PTPN4: variants seen among roughly 807,000 people sequenced by gnomAD.
PTPN4 encodes the protein protein tyrosine phosphatase non-receptor type 4.
PTPN4 carries 49 observed loss-of-function variants against 135.5 expected under a neutral mutation model. The observed-to-expected ratio is 0.36, with a 90% CI of 0.29 to 0.46. The LOEUF (loss-of-function observed/expected upper bound fraction) is 0.46. Ranked by LOEUF, PTPN4 falls within the 20% of genes least tolerant of loss-of-function variation. PTPN4 has a pLI of 1.00. For synonymous variants in PTPN4, 333 were observed against 369.9 expected, an observed-to-expected ratio of 0.90 and a Z score of 1.14; for missense variants, 860 against 1,101.0, an observed-to-expected ratio of 0.78 and a Z score of 3.10.
chr2:119,930,196 A>G (rs909826177), intron 13 of PTPN4, among the ~76,000 whole-genome samples: 1 of 152,142 alleles, frequency 6.6e-6, no homozygotes, highest in East Asian at 1.9e-4. Context: ...TCACACCTAA[A>G]TTACTTTGAA....
intron 1 of PTPN4, among the ~76,000 whole-genome samples, chr2:119,783,375 C>T (rs890001364): frequency 2.0e-5 from 3 of 152,174 alleles, no homozygotes; most frequent in African/African-American, 7.2e-5. Flanking sequence ...TAACAAAGGT[C>T]TCAGTATATG....
At chr2:119,807,362 C>T (rs1388602596) in intron 1 of PTPN4, among the ~76,000 whole-genome samples, 3 of 152,020 alleles carry the variant, frequency 2.0e-5, no homozygotes, top group African/African-American at 2.4e-5. Flanking sequence ...AGGGAAGAAT[C>T]GAATAGACGC....
rs181446755 is a variant in PTPN4 at position 119,822,030 on chromosome 2, C to G, written c.138+12039C>G. Reference sequence around the variant, plus strand: ...GTAGATTGTGCATGAAATCCACCAGCTTGCAATATGACACTCTTTTGCTTT... The same window carrying G: ...GTAGATTGTGCATGAAATCCACCAGGTTGCAATATGACACTCTTTTGCTTT... On this transcript the variant is annotated intron_variant, in intron 2 of 26. Transcript: ENST00000263708. Among the ~76,000 whole-genome samples the G allele has an allele frequency of 3.9e-5, 6 of 152,096 alleles. 1 individual carries two copies. The East Asian group carries it at 7.7e-4, about 20-fold the overall frequency.
chr2:119,823,273 C>T (rs934603511), intron 2 of PTPN4, among the ~76,000 whole-genome samples: 4 of 148,314 alleles, frequency 2.7e-5, no homozygotes, highest in East Asian at 3.9e-4. Flanking sequence ...CTCGCTCTGT[C>T]GCCCAGGCTA....
At chr2:119,937,231 A>G (rs1222491782) in intron 15 of PTPN4, among the ~76,000 whole-genome samples, 4 of 152,230 alleles carry the variant, frequency 2.6e-5, no homozygotes, top group African/African-American at 9.6e-5. Flanking sequence ...CTTGGAATCC[A>G]TAGATTTCAG....
At chr2:119,821,451 G>A (rs181913081) in intron 2 of PTPN4, among the ~76,000 whole-genome samples, 99 of 152,034 alleles carry the variant, frequency 6.5e-4, no homozygotes, top group Non-Finnish European at 1.1e-3. Flanking sequence ...TGTACTATGT[G>A]AGGAATTAGT....
chr2:119,810,881 C>T (rs1691562513), intron 2 of PTPN4, among the ~76,000 whole-genome samples: 1 of 152,046 alleles, frequency 6.6e-6, no homozygotes, highest in South Asian at 2.1e-4. Context: ...CCGAGAATCT[C>T]ATAATTACCA....
At chr2:119,905,515 A>T (rs545269530) in intron 10 of PTPN4, among the ~76,000 whole-genome samples, 8 of 152,342 alleles carry the variant, frequency 5.3e-5, no homozygotes, top group African/African-American at 1.9e-4. Context: ...ACTCCAATAC[A>T]ATAGTAGTTG....
chr2:119,983,989 T>C lies in PTPN4; in HGVS notation c.*6919T>C, dbSNP rs887801367. Among the ~76,000 whole-genome samples the C allele has an allele frequency of 6.6e-5, 10 of 152,200 alleles. No homozygotes were observed. Among genetic ancestry groups the C allele is most frequent in the African/African-American group, 2.2e-4 (9 of 41,456 alleles). ...TAAGGGAATAAAAGTCCCGACACTTTATATACATGTTGAGGGGCACGATTT... is the reference window on the plus strand; with the variant it reads ...TAAGGGAATAAAAGTCCCGACACTTCATATACATGTTGAGGGGCACGATTT... On this transcript the variant is annotated 3_prime_UTR_variant, in exon 27 of 27. Coordinates refer to ENST00000263708, the MANE Select transcript of PTPN4 (RefSeq NM_002830.4).
intron 2 of PTPN4, among the ~76,000 whole-genome samples, chr2:119,858,138 T>C (rs1486698419): frequency 2.0e-5 from 3 of 152,242 alleles, no homozygotes; most frequent in Non-Finnish European, 1.5e-5. Flanking sequence ...TGAACAGATA[T>C]CTGTGCTGTG....
chr2:119,852,846 TTTTTGTTTTG>T (rs373301209), intron 2 of PTPN4, among the ~76,000 whole-genome samples: 32 of 152,196 alleles, frequency 2.1e-4, no homozygotes, highest in Middle Eastern at 3.4e-3. Flanking sequence ...TCAGTGGTTT[TTTTTGTTTTG>T]TTTTGTTTTG....
chr2:119,783,376 T>C (rs1690982182), intron 1 of PTPN4, among the ~76,000 whole-genome samples: 1 of 152,226 alleles, frequency 6.6e-6, no homozygotes, highest in African/African-American at 2.4e-5. Flanking sequence ...AACAAAGGTC[T>C]CAGTATATGT....
intron 2 of PTPN4, among the ~76,000 whole-genome samples, chr2:119,843,052 T>G (rs1475573512): frequency 6.6e-6 from 1 of 152,224 alleles, no homozygotes; most frequent in African/African-American, 2.4e-5. Context: ...TGTTGCATTT[T>G]TAAAAATGAT....
intron 2 of PTPN4, among the ~76,000 whole-genome samples, chr2:119,821,579 A>C (rs532257987): frequency 6.6e-6 from 1 of 152,172 alleles, no homozygotes; most frequent in African/African-American, 2.4e-5. Flanking sequence ...GCAATTATTT[A>C]ATTTTTTCAT....
At chr2:119,881,563 C>T (rs1323574393) in intron 5 of PTPN4, among the ~76,000 whole-genome samples, 5 of 152,046 alleles carry the variant, frequency 3.3e-5, no homozygotes, top group Admixed American at 6.5e-5. Flanking sequence ...CTAGTGGAAA[C>T]AAGACATTCG....
At chr2:119,872,888 A>T (rs1212177906) in intron 3 of PTPN4, among the ~76,000 whole-genome samples, 1 of 152,236 alleles carries the variant, frequency 6.6e-6, no homozygotes, top group African/African-American at 2.4e-5. Flanking sequence ...TGATACTGAA[A>T]CAGATGAAGA....
At chr2:119,953,844 A>G (rs1679243194) in intron 19 of PTPN4, among the ~76,000 whole-genome samples, 1 of 152,184 alleles carries the variant, frequency 6.6e-6, no homozygotes. Flanking sequence ...GAGCCAGAAT[A>G]TGAACAAAAA....
chr2:119,951,448 A>G (rs749877594), intron 18 of PTPN4, among the ~76,000 whole-genome samples: 83 of 152,186 alleles, frequency 5.5e-4, no homozygotes, highest in African/African-American at 1.2e-3. Flanking sequence ...CAGCCCAACT[A>G]CATGCTTTCC....
At chr2:119,948,695 G>A (rs1679170082) in intron 18 of PTPN4, among the ~76,000 whole-genome samples, 1 of 152,072 alleles carries the variant, frequency 6.6e-6, no homozygotes, top group African/African-American at 2.4e-5. Context: ...GTTAAAGTTG[G>A]GGAAACAAGT....
Sources: gnomAD v4.1 joint callset for allele counts (sites outside exome capture counted in the v4.1 genomes callset) on GRCh38, gnomAD v4.1.1 for gene constraint, MANE v1.5 for transcripts, NCBI Gene and HGNC (gene_info 2026-07-23, HGNC 2026-07-21) for gene names.